TNRC6B: variants seen among roughly 807,000 people sequenced by gnomAD.
TNRC6B encodes trinucleotide repeat containing adaptor 6B.
In TNRC6B, 52 loss-of-function variants were observed where a neutral mutation model predicts 203.6. That is an observed-to-expected ratio of 0.26 (90% confidence interval 0.20 to 0.32). The LOEUF is 0.32. Among genes scored for constraint, TNRC6B ranks in the 10% least tolerant of loss-of-function variants. The pLI is 1.00. For missense variants in TNRC6B, 1,923 were observed against 2,286.2 expected (o/e 0.84, Z 3.24); for synonymous variants, 838 against 845.7 (o/e 0.99, Z 0.16).
intron 1 of TNRC6B, among the ~76,000 whole-genome samples, chr22:40,086,729 T>C (rs986024067): frequency 1.3e-5 from 2 of 152,210 alleles, no homozygotes; most frequent in Non-Finnish European, 2.9e-5. Context: ...CTATGAAATA[T>C]GGAGTGTTTT....
At chr22:40,189,262 T>C (rs1326683515) in intron 1 of TNRC6B, among the ~76,000 whole-genome samples, 1 of 152,168 alleles carries the variant, frequency 6.6e-6, no homozygotes, top group Non-Finnish European at 1.5e-5. Context: ...GTTTATACTT[T>C]CTCCCCCAGA....
intron 4 of TNRC6B, 129 bp from the exon 5 acceptor site, chr22:40,264,559 A>G: frequency 3.9e-6 from 4 of 1,021,232 alleles, no homozygotes; most frequent in Admixed American, 3.2e-5. Context: ...GATACAAGCA[A>G]CTGGGTTGAG....
chr22:40,085,907 A>G (rs996639526), intron 1 of TNRC6B, among the ~76,000 whole-genome samples: 4 of 151,584 alleles, frequency 2.6e-5, no homozygotes, highest in Non-Finnish European at 5.9e-5. Flanking sequence ...GTCTTGTTCT[A>G]TTGTCCAGTC....
chr22:40,193,018 A>G (rs891997044), intron 1 of TNRC6B, among the ~76,000 whole-genome samples: 4 of 152,128 alleles, frequency 2.6e-5, no homozygotes, highest in African/African-American at 9.7e-5. Context: ...GGATGGTGCA[A>G]GAGAAACCCG....
At chr22:40,091,259 T>G (rs535887375) in intron 1 of TNRC6B, among the ~76,000 whole-genome samples, 1 of 152,182 alleles carries the variant, frequency 6.6e-6, no homozygotes, top group East Asian at 1.9e-4. Flanking sequence ...TGATGATATT[T>G]TTTAAAAAAG....
intron 1 of TNRC6B, among the ~76,000 whole-genome samples, chr22:40,178,963 T>G (rs955646114): frequency 2.6e-5 from 4 of 152,234 alleles, no homozygotes; most frequent in African/African-American, 9.6e-5. Context: ...TTAGCCTTCT[T>G]CATTCCTCAC....
At chr22:40,162,939 TG>T (rs1231302001) in intron 4 of TNRC6B, among the ~76,000 whole-genome samples, 1 of 152,228 alleles carries the variant, frequency 6.6e-6, no homozygotes. Context: ...AACATTTTTT[TG>T]TACTAGATCT....
Position 40,265,925 on chromosome 22 carries a change from A to G in TNRC6B, c.1695A>G (p.Thr565=). Residue 565 remains threonine, a synonymous_variant, in exon 5 of 23, where the codon ACA becomes ACG. Coordinates refer to ENST00000454349, the MANE Select transcript of TNRC6B (RefSeq NM_001162501.2). ...APCWGRSSSS[T]GSEVGGQSTG... Reference sequence around the variant, plus strand: ...GTTGGGGAAGATCTTCCAGCTCCACAGGAAGTGAAGTTGGAGGTCAAAGCA... The same window carrying G: ...GTTGGGGAAGATCTTCCAGCTCCACGGGAAGTGAAGTTGGAGGTCAAAGCA... The G allele has an allele frequency of 6.2e-7, 1 of 1,614,038 alleles. No homozygotes were observed. Among genetic ancestry groups the G allele is most frequent in the Non-Finnish European group, 8.5e-7 (1 of 1,179,902 alleles).
chr22:40,054,232 G>C (rs778621958), intron 1 of TNRC6B, among the ~76,000 whole-genome samples: 2 of 152,166 alleles, frequency 1.3e-5, no homozygotes, highest in Non-Finnish European at 2.9e-5. Flanking sequence ...AAAACTGTCA[G>C]TGAGGCCTAA....
In TNRC6B at chr22:40,277,068, T is replaced by C; in HGVS notation, c.3142-9T>C. 3 of 1,588,278 alleles carry C rather than the reference T, an allele frequency of 1.9e-6. No individual in the cohort carries two copies. Among genetic ancestry groups the C allele is most frequent in the Non-Finnish European group, 2.6e-6 (3 of 1,169,844 alleles). The stretch of plus-strand genomic sequence containing the variant: ...TTTGGTTCTGAGGTTCCGTGTTTCA[T>C]TTCTGTAGTGCTCACTCAAAGGAGG... On this transcript the variant is annotated splice_polypyrimidine_tract_variant and intron_variant, in intron 7 of 22. Coordinates refer to ENST00000454349, the MANE Select transcript of TNRC6B (RefSeq NM_001162501.2).
chr22:40,076,031 A>G (rs111739152), intron 1 of TNRC6B, among the ~76,000 whole-genome samples: 43 of 152,316 alleles, frequency 2.8e-4, no homozygotes, highest in African/African-American at 9.1e-4. Flanking sequence ...CATATTTGCC[A>G]TTTCCAATGC....
At chr22:40,253,612 CATAAA>C (rs1181328478) in intron 3 of TNRC6B, 2 of 456,274 alleles carry the variant, frequency 4.4e-6, no homozygotes, top group Admixed American at 4.7e-5. Context: ...CAAAAGATAA[CATAAA>C]ATAATCCTAA....
chr22:40,273,093 CT>C (rs2070587419), intron 6 of TNRC6B, among the ~76,000 whole-genome samples: 1 of 152,108 alleles, frequency 6.6e-6, no homozygotes, highest in Non-Finnish European at 1.5e-5. Context: ...ACAGATTTAT[CT>C]TAATTGAGAT....
chr22:40,166,431 CTTT>C (rs200906353), intron 4 of TNRC6B, among the ~76,000 whole-genome samples: 2 of 141,194 alleles, frequency 1.4e-5, no homozygotes, highest in Non-Finnish European at 1.5e-5. Context: ...ATGCTATACT[CTTT>C]TTTTTTTTTT....
chr22:40,051,433 G>T (rs1431295622), intron 1 of TNRC6B, among the ~76,000 whole-genome samples: 3 of 152,142 alleles, frequency 2.0e-5, no homozygotes, highest in African/African-American at 7.2e-5. Flanking sequence ...CCTCCACCCA[G>T]CATGGGGCTT....
chr22:40,302,830 T>G (rs2071041193), intron 15 of TNRC6B, among the ~76,000 whole-genome samples: 1 of 152,094 alleles, frequency 6.6e-6, no homozygotes. Context: ...TTGTAGATCC[T>G]TAGCTTCCAC....
chr22:40,087,060 A>G (rs1487945985), intron 1 of TNRC6B, among the ~76,000 whole-genome samples: 2 of 151,982 alleles, frequency 1.3e-5, no homozygotes, highest in Non-Finnish European at 2.9e-5. Flanking sequence ...TGTTTGGAAA[A>G]TTTTGCTTTA....
intron 1 of TNRC6B, among the ~76,000 whole-genome samples, chr22:40,088,584 T>C (rs1044329059): frequency 8.0e-6 from 1 of 125,136 alleles, no homozygotes; most frequent in East Asian, 2.4e-4. Context: ...GCGGCTACTT[T>C]TGTGTGTGTG....
At chr22:40,199,429 C>T (rs2069381223) in intron 1 of TNRC6B, among the ~76,000 whole-genome samples, 1 of 152,122 alleles carries the variant, frequency 6.6e-6, no homozygotes, top group Non-Finnish European at 1.5e-5. Context: ...AGAGAACACA[C>T]CATTCCCTCT....
Sources: allele counts gnomAD v4.1 joint callset (sites outside exome capture counted in the v4.1 genomes callset), GRCh38; gene constraint gnomAD v4.1.1; transcripts MANE v1.5; gene names NCBI Gene and HGNC (gene_info 2026-07-23, HGNC 2026-07-21).